The following PPP1R1C variants were observed in gnomAD, a reference collection of about 807,000 sequenced individuals.
The protein encoded by PPP1R1C is protein phosphatase 1 regulatory inhibitor subunit 1C, also known as protein phosphatase 1 regulatory subunit 1C.
A neutral mutation model predicts 17.4 loss-of-function variants in PPP1R1C; 15 were observed. The observed-to-expected ratio is 0.86, with a 90% CI of 0.58 to 1.33. The LOEUF (loss-of-function observed/expected upper bound fraction) is 1.33. Among genes scored for constraint, PPP1R1C ranks in the 40% most tolerant of loss-of-function variants. The pLI, the probability that PPP1R1C is intolerant of heterozygous loss-of-function variation, is 0.00. For missense variants in PPP1R1C, 143 were observed against 130.0 expected, an observed-to-expected ratio of 1.10 and a Z score of -0.48; for synonymous variants, 35 against 43.1, an observed-to-expected ratio of 0.81 and a Z score of 0.73.
In PPP1R1C at chr2:181,961,063, A is replaced by G. The variant is rs560478345; in HGVS notation, n.111+6429A>G. On this transcript the variant is annotated intron_variant and non_coding_transcript_variant, in intron 1 of 5. Coordinates refer to the PPP1R1C transcript ENST00000464264. This position sits in a 1 kb window ranked among gnomAD's most constrained non-coding sequence, Gnocchi z 5.8. ...GAGAAATCAGAAGAGGGACAACTGC[A>G]AAATAAAGGCTGTAACAGGAGCGTG... 5 of 498,090 alleles carry G rather than the reference A, an allele frequency of 1.0e-5. No homozygotes were observed. The East Asian group carries it at 1.4e-4, about 14-fold the overall frequency. The allele number at this position is 498,090 out of a possible 1,614,324, so 30.9% of individuals were successfully genotyped here.
intron 4 of PPP1R1C, among the ~76,000 whole-genome samples, chr2:182,065,743 CT>C (rs545010986): frequency 5.3e-4 from 80 of 152,088 alleles, no homozygotes; most frequent in African/African-American, 1.8e-3. Flanking sequence ...AAAAAAAATT[CT>C]AAAAAGAAAA....
chr2:181,959,034 T>C (rs1157153980), intron 1 of PPP1R1C, among the ~76,000 whole-genome samples: 2 of 152,236 alleles, frequency 1.3e-5, no homozygotes, highest in East Asian at 3.8e-4. Context: ...TGTTAAGCGT[T>C]AGTATAATAG....
intron 4 of PPP1R1C, among the ~76,000 whole-genome samples, chr2:182,105,522 C>A (rs1036999614): frequency 6.6e-6 from 1 of 151,932 alleles, no homozygotes; most frequent in East Asian, 1.9e-4. Flanking sequence ...GGTAAGGAAG[C>A]TTTATAGTGA....
chr2:182,064,417 T>C (rs1292742368), intron 4 of PPP1R1C, among the ~76,000 whole-genome samples: 1 of 152,134 alleles, frequency 6.6e-6, no homozygotes, highest in Admixed American at 6.6e-5. Flanking sequence ...ATGTTCTTGA[T>C]TTGAGGTAGA....
intron 2 of PPP1R1C, among the ~76,000 whole-genome samples, chr2:182,027,683 G>C (rs1008576332): frequency 1.3e-5 from 2 of 150,174 alleles, no homozygotes; most frequent in Non-Finnish European, 2.9e-5. Context: ...TTTTTTGGTT[G>C]TGTCTCTGCC....
intron 2 of PPP1R1C, among the ~76,000 whole-genome samples, chr2:182,012,122 G>T (rs1686102595): frequency 6.6e-6 from 1 of 151,932 alleles, no homozygotes; most frequent in African/African-American, 2.4e-5. Flanking sequence ...TATCTATTAG[G>T]TCCATTTTAT....
intron 2 of PPP1R1C, 93 bp downstream of exon 2, chr2:181,987,992 A>G: frequency 1.0e-6 from 1 of 997,452 alleles, no homozygotes; most frequent in Non-Finnish European, 1.5e-6. Flanking sequence ...GTTTCAATTT[A>G]GGATTTCACA....
chr2:182,049,295 T>C (rs1406073505), intron 2 of PPP1R1C, among the ~76,000 whole-genome samples: 1 of 139,646 alleles, frequency 7.2e-6, no homozygotes, highest in Non-Finnish European at 1.5e-5. Context: ...ATGCCACCAC[T>C]GCACTCCAGT....
In PPP1R1C at chr2:182,092,335, C is replaced by T. The variant is rs117920817; in HGVS notation, c.242-24872C>T. Among the ~76,000 whole-genome samples the T allele has an allele frequency of 6.0e-4, 92 of 152,222 alleles. 2 individuals are homozygous for T. The East Asian group carries it at 0.016, about 27-fold the overall frequency. On this transcript the variant is annotated intron_variant, in intron 4 of 4. Coordinates refer to ENST00000682840, the MANE Select transcript of PPP1R1C (RefSeq NM_001080545.3). ...GGAGAGACCTGCTCCTATGATTCAA[C>T]CATCTCCCACCGGGTCTCTCCCACA...
Position 181,976,334 on chromosome 2 carries a change from AATT to A in PPP1R1C, n.157+1074_157+1076del, listed in dbSNP as rs1685091638. On this transcript the variant is annotated intron_variant and non_coding_transcript_variant, in intron 2 of 5. Transcript: ENST00000464264. This position sits in a 1 kb window ranked among gnomAD's most constrained non-coding sequence, Gnocchi z 4.8. ...TTAAACATTGTGTGAAATTTTTGAA[AATT>A]ATTTGGAAACCCTACCAACAACAGA... 6.6e-6 allele frequency among the ~76,000 whole-genome samples: 1 copy of A among 152,208 alleles called. No individual in the cohort carries two copies. The highest frequency in any genetic ancestry group is 2.4e-5 in the African/African-American group (1 of 41,538).
chr2:182,014,268 C>T (rs1209851231), intron 2 of PPP1R1C, among the ~76,000 whole-genome samples: 1 of 152,128 alleles, frequency 6.6e-6, no homozygotes, highest in African/African-American at 2.4e-5. Flanking sequence ...CACCCAAAGC[C>T]CAGTAATTCT....
downstream of PPP1R1C, among the ~76,000 whole-genome samples, chr2:182,118,109 T>C (rs1028158342): frequency 2.0e-5 from 3 of 152,318 alleles, no homozygotes; most frequent in Middle Eastern, 3.4e-3. Context: ...AAATCTTCCA[T>C]ATCATAAAAT....
rs1165789924 is a variant in PPP1R1C, at chr2:182,076,197, C to CTTTT, written c.241+12444_241+12447dup. Among the ~76,000 whole-genome samples, 17 of 25,860 alleles carry CTTTT rather than the reference C, an allele frequency of 6.6e-4. 3 individuals are homozygous for CTTTT. The highest frequency in any genetic ancestry group is 1.9e-3 in the African/African-American group (9 of 4,686). The allele number at this position is 25,860 out of a possible 152,430, so 17.0% of individuals were successfully genotyped here. ...GATTTTGAACTTTTTTTTTTCTTTT[C>CTTTT]TTTTTTTTTTTTTTTTTTTTTTTTT... is the stretch of plus-strand genomic sequence containing the variant. On this transcript the variant is annotated intron_variant, in intron 4 of 4. Transcript: ENST00000682840.
intron 4 of PPP1R1C, among the ~76,000 whole-genome samples, chr2:182,074,276 C>T (rs2125207244): frequency 6.6e-6 from 1 of 152,110 alleles, no homozygotes; most frequent in South Asian, 2.1e-4. Flanking sequence ...CTCCTGACCT[C>T]ATGATCCGCC....
At position 181,989,155 on chromosome 2, in the gene PPP1R1C, C is replaced by T. The variant is rs144973164; in HGVS notation, c.142+1256C>T. 3.7e-3 allele frequency among the ~76,000 whole-genome samples: 568 copies of T among 152,282 alleles called. 4 individuals are homozygous for T. Among genetic ancestry groups the T allele is most frequent in the African/African-American group, 0.013 (545 of 41,558 alleles). The stretch of plus-strand genomic sequence containing the variant: ...CATTTCTGTAATGTCCTAAAACTTT[C>T]CTCCCTATGCCTGCCTTAAGGTGTA... On this transcript the variant is annotated intron_variant, in intron 2 of 4. Transcript: ENST00000682840.
At chr2:182,119,501 A>G (rs1346141528), downstream of PPP1R1C, among the ~76,000 whole-genome samples, 4 of 152,202 alleles carry the variant, frequency 2.6e-5, no homozygotes, top group Admixed American at 6.5e-5. Flanking sequence ...ACAATGGTTG[A>G]ACTAGTTTAC....
At chr2:182,125,529 G>A (rs1426193240) in intron 5 of PPP1R1C, among the ~76,000 whole-genome samples, 3 of 151,898 alleles carry the variant, frequency 2.0e-5, no homozygotes, top group Non-Finnish European at 4.4e-5. Context: ...ATCTGGTCCT[G>A]GGCTTTTTGG....
downstream of PPP1R1C, among the ~76,000 whole-genome samples, chr2:182,122,222 A>C (rs1369207977): frequency 6.6e-6 from 1 of 151,992 alleles, no homozygotes; most frequent in African/African-American, 2.4e-5. Flanking sequence ...GTATTTATAA[A>C]AAAAAATTAC....
In PPP1R1C at chr2:181,962,419, C is replaced by T. The variant is rs562189232; in HGVS notation, n.111+7785C>T. ...CCGGCCGGGCGCCGTAGTTGGACAC[C>T]TGGACAGAGCCCAGGAACAGGTAGT... On this transcript the variant is annotated intron_variant and non_coding_transcript_variant, in intron 1 of 5. Transcript: ENST00000464264. The surrounding 1 kb of genome is among the most constrained non-coding windows in gnomAD (Gnocchi z 6.0). 1.1e-3 allele frequency: 816 copies of T among 712,584 alleles called. 10 individuals carry two copies. The highest frequency in any genetic ancestry group is 5.1e-4 in the Non-Finnish European group (197 of 390,074). The allele number at this position is 712,584 out of a possible 1,614,324, so 44.1% of individuals were successfully genotyped here. A position where few individuals can be genotyped will look rare whatever the true frequency, so the allele number is the denominator to read the frequency against.
Sources: allele counts gnomAD v4.1 joint callset (sites outside exome capture counted in the v4.1 genomes callset), GRCh38; gene constraint gnomAD v4.1.1; non-coding constraint Gnocchi (gnomAD v3.1); transcripts MANE v1.5; gene names NCBI Gene and HGNC (gene_info 2026-07-23, HGNC 2026-07-21).